Variants in NEGR1 observed in about 807,000 individuals in gnomAD.
NEGR1 encodes neuronal growth regulator 1.
A neutral mutation model predicts 40.9 loss-of-function variants in NEGR1; 10 were observed. That is an observed-to-expected ratio of 0.24 (90% CI 0.15 to 0.42). The LOEUF (loss-of-function observed/expected upper bound fraction) is 0.42. Among genes scored for constraint, NEGR1 ranks in the 10% least tolerant of loss-of-function variants. NEGR1 has a pLI of 1.00. For synonymous variants in NEGR1, 185 were observed against 166.8 expected (o/e 1.11, Z -0.84); for missense variants, 352 against 438.9 (o/e 0.80, Z 1.77).
intron 2 of NEGR1, among the ~76,000 whole-genome samples, chr1:71,857,036 T>C (rs1659791487): frequency 6.6e-6 from 1 of 152,026 alleles, no homozygotes; most frequent in African/African-American, 2.4e-5. Flanking sequence ...AGTTTCCTTG[T>C]ATGTAAAATG....
intron 1 of NEGR1, among the ~76,000 whole-genome samples, chr1:72,003,745 C>A (rs1322479400): frequency 6.6e-6 from 1 of 152,078 alleles, no homozygotes; most frequent in African/African-American, 2.4e-5. Context: ...ATAGGAATTG[C>A]ACTACAGTCT....
At chr1:71,699,737 C>A (rs576558797) in intron 3 of NEGR1, among the ~76,000 whole-genome samples, 6 of 151,798 alleles carry the variant, frequency 4.0e-5, no homozygotes, top group Admixed American at 3.9e-4. Context: ...TGTGCCCCAA[C>A]CCGACTCTCA....
intron 1 of NEGR1, among the ~76,000 whole-genome samples, chr1:72,232,423 T>A (rs925907335): frequency 1.3e-5 from 2 of 151,984 alleles, no homozygotes; most frequent in African/African-American, 4.8e-5. Context: ...ACCAAGTATA[T>A]GCTACATTTT....
chr1:71,646,189 T>C (rs1371795473), intron 4 of NEGR1, among the ~76,000 whole-genome samples: 1 of 151,818 alleles, frequency 6.6e-6, no homozygotes, highest in Non-Finnish European at 1.5e-5. Context: ...CACATATTGT[T>C]TTGTACATAT....
chr1:72,090,989 C>A (rs768126192), intron 1 of NEGR1, among the ~76,000 whole-genome samples: 11 of 152,302 alleles, frequency 7.2e-5, no homozygotes, highest in Admixed American at 2.6e-4. Context: ...CAATCCCCAG[C>A]TATGAAGCTT....
intron 2 of NEGR1, among the ~76,000 whole-genome samples, chr1:71,863,269 C>T (rs889021572): frequency 2.0e-5 from 3 of 152,136 alleles, no homozygotes; most frequent in South Asian, 2.1e-4. Context: ...TATGCAGCCA[C>T]GTAAAGGAAC....
At chr1:71,499,185 G>A (rs1030760430) in intron 6 of NEGR1, among the ~76,000 whole-genome samples, 1 of 151,910 alleles carries the variant, frequency 6.6e-6, no homozygotes, top group African/African-American at 2.4e-5. Context: ...TAAAAATCAG[G>A]CCTCTTGTTG....
intron 3 of NEGR1, among the ~76,000 whole-genome samples, chr1:71,720,345 G>C (rs1368363741): frequency 6.6e-6 from 1 of 152,164 alleles, no homozygotes; most frequent in Non-Finnish European, 1.5e-5. Flanking sequence ...ATAAGTGCCT[G>C]TGTCTATATA....
chr1:72,057,765 A>G (rs949008140), intron 1 of NEGR1, among the ~76,000 whole-genome samples: 1 of 151,490 alleles, frequency 6.6e-6, no homozygotes, highest in Non-Finnish European at 1.5e-5. Context: ...GTGTCTGGTA[A>G]GGCCTCTCCT....
intron 3 of NEGR1, among the ~76,000 whole-genome samples, chr1:71,753,141 T>C (rs905915349): frequency 1.3e-5 from 2 of 152,108 alleles, no homozygotes; most frequent in African/African-American, 2.4e-5. Context: ...ACATACTACC[T>C]ATAATATAGG....
At chr1:72,000,865 G>A (rs983007965) in intron 1 of NEGR1, among the ~76,000 whole-genome samples, 18 of 152,114 alleles carry the variant, frequency 1.2e-4, no homozygotes, top group Non-Finnish European at 2.2e-4. Flanking sequence ...GGTAGTTCGG[G>A]TGGGTCCTTG....
intron 6 of NEGR1, among the ~76,000 whole-genome samples, chr1:71,465,918 G>A (rs1386334157): frequency 6.6e-6 from 1 of 151,880 alleles, no homozygotes; most frequent in Admixed American, 6.6e-5. Context: ...TATATATAAA[G>A]GATATTAGGA....
chr1:72,145,462 A>G (rs891907618), intron 1 of NEGR1, among the ~76,000 whole-genome samples: 2 of 152,168 alleles, frequency 1.3e-5, no homozygotes, highest in African/African-American at 4.8e-5. Flanking sequence ...ATGGTGTGAA[A>G]CAGAATTTTG....
At chr1:71,940,039 C>T (rs1005300294) in intron 1 of NEGR1, among the ~76,000 whole-genome samples, 2 of 152,050 alleles carry the variant, frequency 1.3e-5, no homozygotes, top group Admixed American at 6.6e-5. Flanking sequence ...AGGGGGACTA[C>T]CTGTTTAGAA....
intron 1 of NEGR1, among the ~76,000 whole-genome samples, chr1:72,155,534 T>C (rs1016339674): frequency 6.6e-6 from 1 of 152,080 alleles, no homozygotes; most frequent in Admixed American, 6.6e-5. Context: ...ATTTATAAGA[T>C]ATTTGGGCAT....
At chr1:71,475,533 A>C (rs1342325200) in intron 6 of NEGR1, among the ~76,000 whole-genome samples, 6 of 152,088 alleles carry the variant, frequency 3.9e-5, no homozygotes, top group African/African-American at 1.4e-4. Flanking sequence ...TGTTATTAAT[A>C]ATATTTTCCC....
At chr1:71,492,610 T>G (rs1399288103) in intron 6 of NEGR1, among the ~76,000 whole-genome samples, 2 of 152,064 alleles carry the variant, frequency 1.3e-5, no homozygotes, top group Admixed American at 1.3e-4. Flanking sequence ...TTATATTGAG[T>G]TTTATACACA....
chr1:72,019,507 C>G (rs1170682839), intron 1 of NEGR1, among the ~76,000 whole-genome samples: 1 of 152,076 alleles, frequency 6.6e-6, no homozygotes, highest in Non-Finnish European at 1.5e-5. Flanking sequence ...GTAATAAAAG[C>G]TATGAAGAAC....
intron 5 of NEGR1, among the ~76,000 whole-genome samples, chr1:71,609,018 T>A (rs1650157326): frequency 1.3e-5 from 2 of 152,196 alleles, no homozygotes; most frequent in South Asian, 4.1e-4. Flanking sequence ...TATTGTAGGG[T>A]GAAATGAGAG....
Sources: gnomAD v4.1 joint callset for allele counts (sites outside exome capture counted in the v4.1 genomes callset) on GRCh38, gnomAD v4.1.1 for gene constraint, MANE v1.5 for transcripts, NCBI Gene and HGNC (gene_info 2026-07-23, HGNC 2026-07-21) for gene names.